Variants in TANC2 observed in about 807,000 individuals in gnomAD.
The protein encoded by TANC2 is tetratricopeptide repeat, ankyrin repeat and coiled-coil containing 2.
Under a neutral mutation model 210.5 loss-of-function variants are expected in TANC2, and 26 were observed. That is an observed-to-expected ratio of 0.12 (90% CI 0.09 to 0.17). TANC2 has a LOEUF of 0.17. Ranked by LOEUF, TANC2 falls within the 10% of genes least tolerant of loss-of-function variation. TANC2 has a pLI of 1.00. For synonymous variants in TANC2, 931 were observed against 967.1 expected (o/e 0.96, Z 0.69); for missense variants, 2,129 against 2,608.9 (o/e 0.82, Z 4.01).
intron 7 of TANC2, among the ~76,000 whole-genome samples, chr17:63,219,599 A>G (rs2042114455): frequency 6.6e-6 from 1 of 152,066 alleles, no homozygotes; most frequent in Admixed American, 6.5e-5. Context: ...TTTAGTAGAG[A>G]CGGGGTTTCC....
chr17:63,006,781 G>GT (rs950152574), intron 1 of TANC2, among the ~76,000 whole-genome samples: 47 of 149,574 alleles, frequency 3.1e-4, no homozygotes, highest in Non-Finnish European at 4.2e-4. Context: ...ACATATCATA[G>GT]TTTTTTTTTT....
intron 18 of TANC2, 161 bp downstream of exon 18, chr17:63,396,089 A>AC (rs1200013825): frequency 4.5e-6 from 3 of 663,582 alleles, no homozygotes; most frequent in Non-Finnish European, 7.5e-6. Context: ...GAAGCACTTT[A>AC]CTCAAATGCC....
chr17:63,170,564 T>G (rs2040370258), intron 5 of TANC2, among the ~76,000 whole-genome samples: 1 of 152,222 alleles, frequency 6.6e-6, no homozygotes, highest in Non-Finnish European at 1.5e-5. Flanking sequence ...AGCATTTGTA[T>G]TTTTAAATTG....
intron 9 of TANC2, among the ~76,000 whole-genome samples, chr17:63,291,072 T>A (rs921069085): frequency 6.6e-6 from 1 of 152,032 alleles, no homozygotes; most frequent in African/African-American, 2.4e-5. Flanking sequence ...TTTTCCCCCT[T>A]CCCCCAGCTT....
At chr17:63,188,930 C>T (rs1188079380) in intron 5 of TANC2, among the ~76,000 whole-genome samples, 1 of 151,812 alleles carries the variant, frequency 6.6e-6, no homozygotes, top group East Asian at 1.9e-4. Context: ...TGCCCATTCA[C>T]AGTCACTCCC....
chr17:63,237,911 G>T, exon 8 of TANC2: 2 of 1,577,994 alleles, frequency 1.3e-6, no homozygotes, highest in Non-Finnish European at 1.7e-6. Flanking sequence ...AACCTTGGCA[G>T]TCTCAAAAAT....
At chr17:63,309,377 G>A (rs2447448) in intron 9 of TANC2, among the ~76,000 whole-genome samples, 90,874 of 152,016 alleles carry the variant, frequency 0.6, 29,678 homozygotes, top group African/African-American at 0.86. Flanking sequence ...ATGATTACAT[G>A]CCAAAAAACC....
At chr17:63,240,185 AC>A (rs1384312531) in intron 8 of TANC2, among the ~76,000 whole-genome samples, 5 of 152,218 alleles carry the variant, frequency 3.3e-5, no homozygotes, top group African/African-American at 1.2e-4. Context: ...GTAACTACCA[AC>A]CATAATAGTA....
In TANC2 at chr17:63,267,793, A is replaced by G. The variant is rs370855180; in HGVS notation, c.1079A>G (p.Gln360Arg). 141 of 1,613,046 alleles carry G rather than the reference A, an allele frequency of 8.7e-5. No individual in the cohort carries two copies. The highest frequency in any genetic ancestry group is 1.2e-4 in the Non-Finnish European group (136 of 1,179,410). ...GAAGACCTTGCTTACCTGGATGAGC[A>G]GAGACATACACCTTTGAGAACTTCT... is the stretch of plus-strand genomic sequence containing the variant. The change falls in exon 9 of 28, where the codon CAG (glutamine) becomes CGG (arginine). Residue 360 changes from glutamine (Q) to arginine (R), a missense_variant. Around this residue, in one of 5 missense-constraint regions of TANC2, gnomAD observed 739 missense variants for 848.0 expected, o/e 0.87. Coordinates refer to ENST00000689528, the Ensembl canonical transcript of TANC2.
chr17:63,311,659 A>G (rs1027602442), intron 9 of TANC2, among the ~76,000 whole-genome samples: 3 of 152,374 alleles, frequency 2.0e-5, no homozygotes, highest in African/African-American at 7.2e-5. Context: ...GAGGATTGAA[A>G]ACATATGTTC....
chr17:62,970,316 A>T (rs2031622182), intron 1 of TANC2, among the ~76,000 whole-genome samples: 1 of 152,190 alleles, frequency 6.6e-6, no homozygotes, highest in East Asian at 1.9e-4. Context: ...TCATACACTC[A>T]GACTATGCTT....
At chr17:63,277,863 A>G (rs951042532) in intron 9 of TANC2, among the ~76,000 whole-genome samples, 2 of 152,026 alleles carry the variant, frequency 1.3e-5, no homozygotes, top group Non-Finnish European at 2.9e-5. Flanking sequence ...TGGCATCAGT[A>G]TTTTTAGTAC....
chr17:62,988,317 T>A (rs961415859), intron 1 of TANC2, among the ~76,000 whole-genome samples: 11 of 150,056 alleles, frequency 7.3e-5, no homozygotes, highest in South Asian at 6.3e-4. Context: ...TTTTTTTTTT[T>A]AGTAGAGATG....
At chr17:63,247,498 AT>A (rs895716270) in intron 8 of TANC2, among the ~76,000 whole-genome samples, 1 of 151,528 alleles carries the variant, frequency 6.6e-6, no homozygotes, top group African/African-American at 2.4e-5. Context: ...TAAAAAAAAA[AT>A]AGAAACAATT....
intron 4 of TANC2, among the ~76,000 whole-genome samples, chr17:63,110,915 T>C (rs944300105): frequency 2.0e-5 from 3 of 152,210 alleles, no homozygotes; most frequent in African/African-American, 7.2e-5. Flanking sequence ...TTGCTACTTA[T>C]TAACTGTATG....
At chr17:63,413,684 T>C (rs772272241) in intron 25 of TANC2, 50 bp downstream of exon 25, 19 of 1,473,782 alleles carry the variant, frequency 1.3e-5, no homozygotes, top group Admixed American at 2.0e-5. Flanking sequence ...CTGACTGTTT[T>C]CCATGTGTAG....
At chr17:63,263,446 G>A (rs1288999356) in intron 8 of TANC2, among the ~76,000 whole-genome samples, 1 of 152,132 alleles carries the variant, frequency 6.6e-6, no homozygotes, top group African/African-American at 2.4e-5. Context: ...ATAAAAGTTG[G>A]TTCAAACACT....
At position 63,418,271 on chromosome 17, in the gene TANC2, A is replaced by G; in HGVS notation, c.4168-36A>G. 6.3e-7 allele frequency: 1 copy of G among 1,574,974 alleles called. No homozygotes were observed. Among genetic ancestry groups the G allele is most frequent in the Non-Finnish European group, 8.7e-7 (1 of 1,151,746 alleles). On this transcript the variant is annotated intron_variant, in intron 26 of 27. Transcript: ENST00000689528. This position sits in a 1 kb window ranked among gnomAD's most constrained non-coding sequence, Gnocchi z 4.6. Reference sequence around the variant, plus strand: ...CCAAGTTGTCTATTTTTTATATCTCATCAATGACTCATTTGCACACCTATT... The same window carrying G: ...CCAAGTTGTCTATTTTTTATATCTCGTCAATGACTCATTTGCACACCTATT...
chr17:63,328,969 G>A (rs2045747142), intron 11 of TANC2, among the ~76,000 whole-genome samples: 2 of 151,984 alleles, frequency 1.3e-5, no homozygotes, highest in African/African-American at 2.4e-5. Flanking sequence ...TTTTAGCATA[G>A]TATCAAAGAA....
Sources: gnomAD v4.1 joint callset for allele counts (sites outside exome capture counted in the v4.1 genomes callset) on GRCh38, gnomAD v4.1.1 for gene constraint, gnomAD v4.1.1 regional missense constraint, Gnocchi (gnomAD v3.1) non-coding constraint, MANE v1.5 for transcripts, NCBI Gene and HGNC (gene_info 2026-07-23, HGNC 2026-07-21) for gene names.